Variants in CDH4 observed in about 807,000 individuals in gnomAD.
CDH4 encodes the protein cadherin-4.
In CDH4, 33 loss-of-function variants were observed where a neutral mutation model predicts 86.0. The observed-to-expected ratio is 0.38, with a 90% CI of 0.29 to 0.51. CDH4 has a LOEUF of 0.51. CDH4 is among the 20% of genes least tolerant of loss of function. The probability of loss-of-function intolerance (pLI) is 0.86; values close to 1 mark genes in which losing one functional copy is unlikely to be tolerated. For missense variants in CDH4, 1,114 were observed against 1,307.4 expected, an observed-to-expected ratio of 0.85 and a Z score of 2.28; for synonymous variants, 555 against 549.4, an observed-to-expected ratio of 1.01 and a Z score of -0.14.
At chr20:61,435,250 A>C (rs79592255) in intron 2 of CDH4, among the ~76,000 whole-genome samples, 2 of 152,202 alleles carry the variant, frequency 1.3e-5, no homozygotes, top group African/African-American at 4.8e-5. Flanking sequence ...AGGAGTTTGC[A>C]TGCCATTACT....
intron 2 of CDH4, among the ~76,000 whole-genome samples, chr20:61,577,441 G>A (rs754511962): frequency 1.4e-4 from 21 of 152,178 alleles, no homozygotes; most frequent in Non-Finnish European, 2.6e-4. Context: ...TGGATGTTTC[G>A]CATGTTGAAA....
intron 2 of CDH4, among the ~76,000 whole-genome samples, chr20:61,558,951 G>A (rs2086196440): frequency 6.6e-6 from 1 of 152,206 alleles, no homozygotes; most frequent in South Asian, 2.1e-4. Context: ...ATCACCAGCT[G>A]TGCTAAGTGG....
At chr20:61,671,474 C>T (rs919590417) in intron 2 of CDH4, among the ~76,000 whole-genome samples, 1 of 151,870 alleles carries the variant, frequency 6.6e-6, no homozygotes, top group Non-Finnish European at 1.5e-5. Context: ...CCAGCGTGGG[C>T]AACAGAGTGA....
intron 2 of CDH4, among the ~76,000 whole-genome samples, chr20:61,494,334 C>G (rs998408236): frequency 6.6e-6 from 1 of 152,194 alleles, no homozygotes; most frequent in Non-Finnish European, 1.5e-5. Context: ...CTTGAATAGA[C>G]TTAGAAAATC....
At chr20:61,894,073 G>T (rs891128967) in intron 7 of CDH4, among the ~76,000 whole-genome samples, 19 of 152,136 alleles carry the variant, frequency 1.2e-4, no homozygotes, top group African/African-American at 4.6e-4. Flanking sequence ...TTGGTCCCCA[G>T]AATCCCCCTC....
At chr20:61,870,297 C>A (rs1983744284) in intron 6 of CDH4, among the ~76,000 whole-genome samples, 1 of 152,212 alleles carries the variant, frequency 6.6e-6, no homozygotes, top group South Asian at 2.1e-4. Context: ...ACAAAAGACC[C>A]TCGGGCCAGC....
chr20:61,522,242 C>T (rs2085874947), intron 2 of CDH4, among the ~76,000 whole-genome samples: 1 of 152,160 alleles, frequency 6.6e-6, no homozygotes, highest in Non-Finnish European at 1.5e-5. Context: ...AGCTTAGCCC[C>T]GGACCCAGTG....
chr20:61,331,666 A>T (rs2084578911), intron 2 of CDH4, among the ~76,000 whole-genome samples: 1 of 42,572 alleles, frequency 2.3e-5, no homozygotes, highest in African/African-American at 9.0e-5. Flanking sequence ...CACCTGCCCC[A>T]GGCTCACCTC....
intron 2 of CDH4, among the ~76,000 whole-genome samples, chr20:61,692,880 G>A (rs1328879847): frequency 6.6e-6 from 1 of 150,578 alleles, no homozygotes; most frequent in Non-Finnish European, 1.5e-5. Context: ...CCTCAGAAAT[G>A]CCCGTGTGGA....
intron 7 of CDH4, among the ~76,000 whole-genome samples, chr20:61,892,410 A>G (rs1476797805): frequency 1.3e-5 from 2 of 152,252 alleles, no homozygotes; most frequent in Non-Finnish European, 2.9e-5. Context: ...CCCAGAGCTC[A>G]GGTTGGCAAG....
chr20:61,366,923 T>C (rs760704843), intron 2 of CDH4, among the ~76,000 whole-genome samples: 1 of 152,120 alleles, frequency 6.6e-6, no homozygotes, highest in Non-Finnish European at 1.5e-5. Context: ...AAAAACAGCA[T>C]ATTAACGGGG....
At chr20:61,524,100 A>C (rs1489600110) in intron 2 of CDH4, among the ~76,000 whole-genome samples, 3 of 152,198 alleles carry the variant, frequency 2.0e-5, no homozygotes, top group Non-Finnish European at 4.4e-5. Flanking sequence ...GCTGTTTATT[A>C]AAGCTATGGG....
At chr20:61,426,507 C>T (rs112846883) in intron 2 of CDH4, among the ~76,000 whole-genome samples, 3,052 of 152,270 alleles carry the variant, frequency 0.02, 104 homozygotes, top group African/African-American at 0.069. Context: ...TTCTGAGCTT[C>T]AGCAACTGCA....
At chr20:61,331,971 G>A (rs4419285) in intron 2 of CDH4, among the ~76,000 whole-genome samples, 84,928 of 152,032 alleles carry the variant, frequency 0.56, 23,742 homozygotes, top group Middle Eastern at 0.68. Flanking sequence ...AGGGAAGGGA[G>A]CTGTGCCTCT....
chr20:61,836,771 G>C (rs1409376130), intron 4 of CDH4, among the ~76,000 whole-genome samples: 1 of 152,224 alleles, frequency 6.6e-6, no homozygotes, highest in South Asian at 2.1e-4. Context: ...CCAGTACCAT[G>C]GCAAGGGCTT....
intron 2 of CDH4, among the ~76,000 whole-genome samples, chr20:61,674,496 A>G (rs1035771020): frequency 5.3e-5 from 8 of 152,188 alleles, no homozygotes; most frequent in Non-Finnish European, 8.8e-5. Flanking sequence ...GCTGCTCAAG[A>G]GACCCTGGGC....
chr20:61,418,585 A>G (rs2085160093), intron 2 of CDH4, among the ~76,000 whole-genome samples: 2 of 152,152 alleles, frequency 1.3e-5, no homozygotes, highest in African/African-American at 2.4e-5. Context: ...TATCTATCAG[A>G]TGGGCTGATA....
chr20:61,720,395 G>T (rs2088023434), intron 2 of CDH4, among the ~76,000 whole-genome samples: 1 of 151,314 alleles, frequency 6.6e-6, no homozygotes, highest in African/African-American at 2.4e-5. Flanking sequence ...GTGTAGGGGT[G>T]CAGGGGTGCG....
chr20:61,859,294 T>C (rs1160540881), intron 6 of CDH4, among the ~76,000 whole-genome samples: 1 of 152,226 alleles, frequency 6.6e-6, no homozygotes, highest in Non-Finnish European at 1.5e-5. Context: ...GTATTCTAGA[T>C]ACAAGTCCTT....
Sources: allele counts gnomAD v4.1 joint callset (sites outside exome capture counted in the v4.1 genomes callset), GRCh38; gene constraint gnomAD v4.1.1; transcripts MANE v1.5; gene names NCBI Gene and HGNC (gene_info 2026-07-23, HGNC 2026-07-21).